EXOC6B: variants seen among roughly 807,000 people sequenced by gnomAD.
EXOC6B encodes SEC15 homolog B.
In EXOC6B, 54 loss-of-function variants were observed where a neutral mutation model predicts 113.5. That is an observed-to-expected ratio of 0.48 (90% CI 0.38 to 0.60). EXOC6B has a LOEUF of 0.60. Among genes scored for constraint, EXOC6B ranks in the 20% least tolerant of loss-of-function variants. The pLI, the probability that EXOC6B is intolerant of heterozygous loss-of-function variation, is 0.00. For synonymous variants in EXOC6B, 357 were observed against 339.0 expected (o/e 1.05, Z -0.58); for missense variants, 797 against 977.5 (o/e 0.82, Z 2.46).
intron 18 of EXOC6B, among the ~76,000 whole-genome samples, chr2:72,449,400 A>T (rs56298436): frequency 0.39 from 58,682 of 151,592 alleles, 17,554 homozygotes; most frequent in African/African-American, 0.84. Context: ...CTCGATCTCC[A>T]GACCTCGTGA....
In EXOC6B at chr2:72,338,759, C is replaced by T. The variant is rs559209413; in HGVS notation, c.2123-3739G>A. On this transcript the variant is annotated intron_variant, in intron 19 of 21. Coordinates refer to ENST00000272427, the MANE Select transcript of EXOC6B (RefSeq NM_015189.3). ...TATAAAATATAATACGCACAGAAAA[C>T]ATGATAGTAAGCACTCACTTCATAA... Among the ~76,000 whole-genome samples, 28 of 151,970 alleles carry T rather than the reference C, an allele frequency of 1.8e-4. No homozygotes were observed. The South Asian group carries it at 5.8e-3, about 32-fold the overall frequency.
intron 20 of EXOC6B, among the ~76,000 whole-genome samples, chr2:72,215,576 GA>G (rs988243412): frequency 6.6e-6 from 1 of 152,126 alleles, no homozygotes; most frequent in Non-Finnish European, 1.5e-5. Context: ...CCTTCAAACA[GA>G]CAGGGGACAT....
chr2:72,476,073 T>C (rs569543798), intron 17 of EXOC6B, among the ~76,000 whole-genome samples: 1 of 152,318 alleles, frequency 6.6e-6, no homozygotes, highest in African/African-American at 2.4e-5. Context: ...ATGGAATGTG[T>C]GTGACCTGGT....
intron 6 of EXOC6B, among the ~76,000 whole-genome samples, chr2:72,638,574 G>A (rs1673004847): frequency 6.6e-6 from 1 of 152,152 alleles, no homozygotes; most frequent in African/African-American, 2.4e-5. Flanking sequence ...CTCGTTCCTG[G>A]CCCACAATAG....
chr2:72,249,803 G>A (rs1682894019), intron 20 of EXOC6B, among the ~76,000 whole-genome samples: 1 of 152,136 alleles, frequency 6.6e-6, no homozygotes, highest in African/African-American at 2.4e-5. Context: ...TCTTTGGAAT[G>A]GTTGGTAGAC....
intron 20 of EXOC6B, among the ~76,000 whole-genome samples, chr2:72,185,073 A>G (rs1226343708): frequency 6.6e-6 from 1 of 152,258 alleles, no homozygotes; most frequent in Non-Finnish European, 1.5e-5. Flanking sequence ...CATCACACTA[A>G]CAAATATTCA....
chr2:72,281,846 A>G (rs1685151986), intron 20 of EXOC6B, among the ~76,000 whole-genome samples: 1 of 152,226 alleles, frequency 6.6e-6, no homozygotes, highest in South Asian at 2.1e-4. Context: ...TCTGGGCAAC[A>G]CAGTGAGACC....
intron 20 of EXOC6B, among the ~76,000 whole-genome samples, chr2:72,208,713 A>G (rs1271137808): frequency 6.6e-6 from 1 of 152,158 alleles, no homozygotes; most frequent in African/African-American, 2.4e-5. Flanking sequence ...AACCCAGGGT[A>G]CCTGCACCCT....
chr2:72,797,590 G>C (rs1225793986), intron 1 of EXOC6B, among the ~76,000 whole-genome samples: 1 of 152,130 alleles, frequency 6.6e-6, no homozygotes, highest in Non-Finnish European at 1.5e-5. Context: ...AAGGTGGGCA[G>C]ATCACTTGAG....
intron 7 of EXOC6B, among the ~76,000 whole-genome samples, chr2:72,572,118 C>T (rs965937996): frequency 1.3e-5 from 2 of 151,690 alleles, no homozygotes; most frequent in Non-Finnish European, 2.9e-5. Flanking sequence ...GTATTTATTG[C>T]CAGAAAAAAG....
chr2:72,766,329 A>G (rs945139692), intron 1 of EXOC6B, among the ~76,000 whole-genome samples: 1 of 152,204 alleles, frequency 6.6e-6, no homozygotes, highest in African/African-American at 2.4e-5. Flanking sequence ...GGAAGAAAAC[A>G]CTATCCAAAA....
chr2:72,513,730 T>C (rs1447448788), intron 10 of EXOC6B, among the ~76,000 whole-genome samples: 1 of 152,016 alleles, frequency 6.6e-6, no homozygotes, highest in East Asian at 1.9e-4. Context: ...ATGTGGACTC[T>C]ATCATCAAAG....
intron 1 of EXOC6B, among the ~76,000 whole-genome samples, chr2:72,809,839 T>C (rs1685782004): frequency 6.6e-6 from 1 of 152,154 alleles, no homozygotes; most frequent in Non-Finnish European, 1.5e-5. Context: ...AACTAATCAA[T>C]TGCCTCTGTC....
rs1340188111 is a variant in EXOC6B at position 72,823,482 on chromosome 2, A to C, written c.113+2316T>G. On this transcript the variant is annotated intron_variant, in intron 1 of 21. Coordinates refer to ENST00000272427, the MANE Select transcript of EXOC6B (RefSeq NM_015189.3). ...AAGAAAAAAAAAAAAAAAAAAACAA[A>C]AAACAAAAAAAAAGACAGTGGCCAG... Among the ~76,000 whole-genome samples, 12 of 138,984 alleles carry C rather than the reference A, an allele frequency of 8.6e-5. 1 individual carries two copies. The highest frequency in any genetic ancestry group is 7.8e-4 in the East Asian group (4 of 5,116). 91.2% of individuals were successfully genotyped at this position (138,984 alleles called of 152,430 possible). A position where few individuals can be genotyped will look rare whatever the true frequency, so the allele number is the denominator to read the frequency against.
chr2:72,803,306 CA>C (rs762977532), intron 1 of EXOC6B, among the ~76,000 whole-genome samples: 52 of 123,802 alleles, frequency 4.2e-4, no homozygotes, highest in Admixed American at 6.6e-4. Flanking sequence ...AAATTCTGAG[CA>C]AAAAAAAAAA....
At chr2:72,600,857 T>C (rs1670381453) in intron 6 of EXOC6B, among the ~76,000 whole-genome samples, 1 of 151,926 alleles carries the variant, frequency 6.6e-6, no homozygotes. Flanking sequence ...CTGGAATTCA[T>C]TACAATTTAA....
intron 1 of EXOC6B, among the ~76,000 whole-genome samples, chr2:72,741,874 C>A (rs1681346893): frequency 6.6e-6 from 1 of 152,158 alleles, no homozygotes; most frequent in Non-Finnish European, 1.5e-5. Flanking sequence ...CTCAGGGTAG[C>A]CATGTAACTA....
rs571183585 is a variant in EXOC6B, at chr2:72,531,583, A to G, written c.916-16457T>C. On this transcript the variant is annotated intron_variant, in intron 8 of 21. Transcript: ENST00000272427. Reference sequence around the variant, plus strand: ...TTCAAAGTGTTAAAATATGCAGGGTATTTTATCTGACTTCAGTGGAAATCT... The same window carrying G: ...TTCAAAGTGTTAAAATATGCAGGGTGTTTTATCTGACTTCAGTGGAAATCT... Among the ~76,000 whole-genome samples the G allele has an allele frequency of 4.0e-4, 61 of 152,340 alleles. 1 individual carries two copies. The highest frequency in any genetic ancestry group is 1.3e-3 in the African/African-American group (54 of 41,568).
rs149744623 is a variant in EXOC6B at position 72,442,789 on chromosome 2, A to G, written c.1980+22371T>C. Among the ~76,000 whole-genome samples the G allele has an allele frequency of 5.6e-3, 853 of 152,304 alleles. 9 individuals are homozygous for G. Among genetic ancestry groups the G allele is most frequent in the African/African-American group, 0.02 (817 of 41,562 alleles). On this transcript the variant is annotated intron_variant, in intron 18 of 21. Transcript: ENST00000272427. ...CCATGTTCATGGAAGGGAAGAATCA[A>G]TATTGTTAAAATGGCCATACTGCCC... is the stretch of plus-strand genomic sequence containing the variant.
Sources: allele counts gnomAD v4.1 joint callset (sites outside exome capture counted in the v4.1 genomes callset), GRCh38; gene constraint gnomAD v4.1.1; transcripts MANE v1.5; gene names NCBI Gene and HGNC (gene_info 2026-07-23, HGNC 2026-07-21).